LPIN2: variants seen among roughly 807,000 people sequenced by gnomAD.
LPIN2 encodes the protein phosphatidate phosphatase LPIN2.
A neutral mutation model predicts 111.4 loss-of-function variants in LPIN2; 55 were observed. The observed-to-expected ratio is 0.49, with a 90% CI of 0.40 to 0.62. The LOEUF is 0.62. LPIN2 is among the 20% of genes least tolerant of loss of function. The probability of loss-of-function intolerance (pLI) is 0.00; values close to 1 mark genes in which losing one functional copy is unlikely to be tolerated. For synonymous variants in LPIN2, 425 were observed against 414.0 expected, an observed-to-expected ratio of 1.03 and a Z score of -0.32; for missense variants, 992 against 1,112.1, an observed-to-expected ratio of 0.89 and a Z score of 1.54.
intron 1 of LPIN2, among the ~76,000 whole-genome samples, chr18:3,003,126 A>T (rs1376208568): frequency 6.6e-6 from 1 of 152,266 alleles, no homozygotes; most frequent in Non-Finnish European, 1.5e-5. Flanking sequence ...TAAATGATAC[A>T]TCAAAAGTAT....
rs1488791270 is a variant in LPIN2 at position 2,918,289 on chromosome 18, A to G, written c.*2004T>C. 1 of 152,238 alleles carries G rather than the reference A, an allele frequency of 6.6e-6. No homozygotes were observed. Among genetic ancestry groups the G allele is most frequent in the Non-Finnish European group, 1.5e-5 (1 of 68,048 alleles). 9.4% of individuals were successfully genotyped at this position (152,238 alleles called of 1,614,324 possible). A position where few individuals can be genotyped will look rare whatever the true frequency, so the allele number is the denominator to read the frequency against. ...GCTGTCAAGAAAAAGAAACTAGTCA[A>G]AAACTCTTTAAAGGACAACCTAAAA... On this transcript the variant is annotated 3_prime_UTR_variant, in exon 20 of 20. Transcript: ENST00000677752.
intron 1 of LPIN2, among the ~76,000 whole-genome samples, chr18:2,975,054 G>A (rs1314035461): frequency 6.6e-6 from 1 of 152,170 alleles, no homozygotes; most frequent in African/African-American, 2.4e-5. Context: ...TACCTCATCT[G>A]ATTTAATCCT....
chr18:2,931,673 T>C (rs2077215724), intron 8 of LPIN2, among the ~76,000 whole-genome samples: 2 of 152,206 alleles, frequency 1.3e-5, no homozygotes, highest in East Asian at 1.9e-4. Flanking sequence ...ATATAGTAAA[T>C]ACGTCACAAA....
intron 1 of LPIN2, among the ~76,000 whole-genome samples, chr18:3,004,550 T>A (rs1442275692): frequency 6.6e-6 from 1 of 152,166 alleles, no homozygotes; most frequent in Non-Finnish European, 1.5e-5. Flanking sequence ...ATCCTTCTAC[T>A]CACAGTCCAG....
intron 1 of LPIN2, among the ~76,000 whole-genome samples, chr18:3,003,041 T>A (rs979152947): frequency 2.6e-5 from 4 of 152,368 alleles, no homozygotes; most frequent in South Asian, 2.1e-4. Flanking sequence ...GTTTAACATA[T>A]GACCTCATTT....
intron 2 of LPIN2, among the ~76,000 whole-genome samples, chr18:2,956,311 GGTGTGTGTGTGTGTGTGTGT>G (rs55844718): frequency 0.01 from 1,501 of 144,040 alleles, 29 homozygotes; most frequent in African/African-American, 0.038. Flanking sequence ...TAGATGCAGG[GGTGTGTGTGTGTGTGTGTGT>G]GTGTGTGTGT....
At chr18:2,966,229 G>A (rs1010004044) in intron 1 of LPIN2, among the ~76,000 whole-genome samples, 1 of 152,152 alleles carries the variant, frequency 6.6e-6, no homozygotes, top group Non-Finnish European at 1.5e-5. Context: ...GAGCCACCAC[G>A]ACTGGCCTCA....
intron 9 of LPIN2, among the ~76,000 whole-genome samples, chr18:2,930,614 CTG>C (rs780162291): frequency 1.6e-4 from 25 of 152,124 alleles, no homozygotes; most frequent in Non-Finnish European, 2.5e-4. Flanking sequence ...ACAGGCCAAA[CTG>C]AGAAATACTA....
chr18:2,946,423 C>T, intron 4 of LPIN2: 1 of 1,455,342 alleles, frequency 6.9e-7, no homozygotes. Context: ...AAGACCAACC[C>T]TTTAATGCAT....
At chr18:3,006,012 C>T (rs896725046) in intron 1 of LPIN2, among the ~76,000 whole-genome samples, 4 of 152,220 alleles carry the variant, frequency 2.6e-5, no homozygotes, top group Admixed American at 6.5e-5. Context: ...CAGGTCATCG[C>T]TACCACATGG....
rs774222332 is a variant in LPIN2, at chr18:2,951,095, C to T, written c.550G>A (p.Gly184Ser). The stretch of plus-strand genomic sequence containing the variant: ...CCCTTGTCATCATCGGAGCTCACGC[C>T]TACATCACATGTGTCTTCTGCAGCA... Reference protein sequence around the residue: ...SAAAEDTCDVGVSSDDDKGAQ... With the variant: ...SAAAEDTCDVSVSSDDDKGAQ... Residue 184 changes from glycine to serine, a missense_variant, in exon 4 of 20, where the codon GGC becomes AGC. By Grantham distance (56) the Gly-to-Ser change is moderately conservative. Transcript: ENST00000677752. 1.2e-6 allele frequency: 2 copies of T among 1,614,214 alleles called. No individual in the cohort carries two copies. Among genetic ancestry groups the T allele is most frequent in the Non-Finnish European group, 1.7e-6 (2 of 1,180,026 alleles).
Position 2,925,461 on chromosome 18 carries a change from A to G in LPIN2, c.1794-93T>C. 6.5e-7 allele frequency: 1 copy of G among 1,529,534 alleles called. No individual in the cohort carries two copies. The highest frequency in any genetic ancestry group is 9.0e-7 in the Non-Finnish European group (1 of 1,109,922). 94.7% of individuals were successfully genotyped at this position (1,529,534 alleles called of 1,614,324 possible). A position where few individuals can be genotyped will look rare whatever the true frequency, so the allele number is the denominator to read the frequency against. ...GGATCAAGAAAATAAAGATATCCTA[A>G]ATCTTTTCTAGGAATGGGTAGAGTT... On this transcript the variant is annotated intron_variant, in intron 13 of 19. Coordinates refer to ENST00000677752, the MANE Select transcript of LPIN2 (RefSeq NM_001375808.2). The surrounding 1 kb of genome is among the most constrained non-coding windows in gnomAD (Gnocchi z 4.1).
At chr18:3,012,103 TA>T (rs2078614265) in intron 1 of LPIN2, among the ~76,000 whole-genome samples, 1 of 152,162 alleles carries the variant, frequency 6.6e-6, no homozygotes, top group Admixed American at 6.5e-5. Flanking sequence ...TAATAAACAG[TA>T]ACACCCATCA....
intron 1 of LPIN2, among the ~76,000 whole-genome samples, chr18:2,969,743 C>T (rs987277409): frequency 2.6e-5 from 4 of 152,182 alleles, no homozygotes; most frequent in Admixed American, 2.6e-4. Context: ...AGACCTACTA[C>T]ATAAAAAGCT....
intron 1 of LPIN2, among the ~76,000 whole-genome samples, chr18:2,967,852 A>C (rs1228701093): frequency 6.6e-6 from 1 of 152,194 alleles, no homozygotes; most frequent in Non-Finnish European, 1.5e-5. Context: ...GTATTATTTT[A>C]TATTAGCTAT....
intron 1 of LPIN2, among the ~76,000 whole-genome samples, chr18:2,996,769 G>A (rs915955386): frequency 5.0e-4 from 76 of 152,090 alleles, no homozygotes; most frequent in African/African-American, 1.8e-3. Flanking sequence ...GAGCCACCAC[G>A]CTCGACCAAT....
At chr18:2,928,285 G>C (rs2077165084) in intron 11 of LPIN2, among the ~76,000 whole-genome samples, 1 of 152,046 alleles carries the variant, frequency 6.6e-6, no homozygotes, top group Non-Finnish European at 1.5e-5. Context: ...GGGAGAAAAA[G>C]TTTTTTTCAT....
At chr18:2,931,569 A>G (rs1463291306) in intron 8 of LPIN2, 126 bp from the exon 9 acceptor site, 3 of 855,550 alleles carry the variant, frequency 3.5e-6, no homozygotes, top group Admixed American at 4.0e-5. Context: ...TGGACCTACA[A>G]TCAGGCATAA....
At position 2,934,340 on chromosome 18, in the gene LPIN2, G is replaced by A. The variant is rs780302373; in HGVS notation, c.1268+11C>T. On this transcript the variant is annotated intron_variant, in intron 8 of 19. Coordinates refer to ENST00000677752, the MANE Select transcript of LPIN2 (RefSeq NM_001375808.2). Reference sequence around the variant, plus strand: ...TCAGAGCTGTCCTTCAATAAATAAGGACCACTCTACCTTTTAGGGAAATAA... The same window carrying A: ...TCAGAGCTGTCCTTCAATAAATAAGAACCACTCTACCTTTTAGGGAAATAA... 8 of 1,567,080 alleles carry A rather than the reference G, an allele frequency of 5.1e-6. No homozygotes were observed. The highest frequency in any genetic ancestry group is 2.2e-5 in the South Asian group (2 of 89,886).
Sources: gnomAD v4.1 joint callset for allele counts (sites outside exome capture counted in the v4.1 genomes callset) on GRCh38, gnomAD v4.1.1 for gene constraint, Gnocchi (gnomAD v3.1) non-coding constraint, MANE v1.5 for transcripts, NCBI Gene and HGNC (gene_info 2026-07-23, HGNC 2026-07-21) for gene names.